EMCN: variants seen among roughly 807,000 people sequenced by gnomAD.
The protein encoded by EMCN is MUC-14.
Under a neutral mutation model 38.4 loss-of-function variants are expected in EMCN, and 37 were observed. The ratio of observed to expected loss-of-function variants is 0.96; its 90% CI spans 0.74 to 1.27. The LOEUF is 1.27. Ranked by LOEUF, EMCN falls within the 50% of genes most tolerant of loss-of-function variation. The pLI is 0.00. For missense variants in EMCN, 318 were observed against 302.8 expected, an observed-to-expected ratio of 1.05 and a Z score of -0.37; for synonymous variants, 95 against 100.8, an observed-to-expected ratio of 0.94 and a Z score of 0.35.
chr4:100,465,944 GA>G (rs750667668), intron 3 of EMCN, among the ~76,000 whole-genome samples: 6 of 152,280 alleles, frequency 3.9e-5, no homozygotes, highest in Non-Finnish European at 7.4e-5. Context: ...CCTGGGAAAA[GA>G]AAGGTAAGGA....
chr4:100,479,668 T>C (rs1728753786), intron 2 of EMCN, among the ~76,000 whole-genome samples: 1 of 152,126 alleles, frequency 6.6e-6, no homozygotes, highest in African/African-American at 2.4e-5. Context: ...ACTTTGTGTA[T>C]GTAACATTCA....
intron 5 of EMCN, among the ~76,000 whole-genome samples, chr4:100,426,584 G>C (rs357651): frequency 0.3 from 44,842 of 151,892 alleles, 8,494 homozygotes; most frequent in Non-Finnish European, 0.43. Flanking sequence ...CTTGAACTCT[G>C]CTTCTCTGAA....
At chr4:100,471,726 A>G (rs1181798777) in intron 3 of EMCN, among the ~76,000 whole-genome samples, 2 of 152,040 alleles carry the variant, frequency 1.3e-5, no homozygotes, top group African/African-American at 4.8e-5. Context: ...AAAAAGAATT[A>G]TACCCCATGA....
intron 1 of EMCN, among the ~76,000 whole-genome samples, chr4:100,494,388 C>G (rs991637038): frequency 1.3e-5 from 2 of 152,124 alleles, no homozygotes; most frequent in African/African-American, 4.8e-5. Flanking sequence ...GCAACAGACA[C>G]AGTTTCAGAA....
At chr4:100,507,141 C>T (rs952708587) in intron 1 of EMCN, among the ~76,000 whole-genome samples, 29 of 151,822 alleles carry the variant, frequency 1.9e-4, no homozygotes, top group African/African-American at 6.5e-4. Context: ...GGATAGAGGC[C>T]CAGGATCATT....
At chr4:100,427,961 G>C (rs547790416) in intron 5 of EMCN, among the ~76,000 whole-genome samples, 43 of 152,062 alleles carry the variant, frequency 2.8e-4, no homozygotes, top group Admixed American at 2.6e-3. Context: ...ATAGTTATTG[G>C]CTTCATCTCC....
chr4:100,447,636 C>T (rs1727714909), intron 4 of EMCN, 65 bp from the exon 5 acceptor site: 4 of 1,039,894 alleles, frequency 3.8e-6, no homozygotes, highest in South Asian at 1.4e-5. Flanking sequence ...TCTATTCTCA[C>T]AATTGTTTCA....
At position 100,423,012 on chromosome 4, in the gene EMCN, G is replaced by C. The variant is rs373667023; in HGVS notation, c.568+9C>G. The C allele has an allele frequency of 1.9e-6, 3 of 1,612,154 alleles. No homozygotes were observed. Among genetic ancestry groups the C allele is most frequent in the African/African-American group, 2.7e-5 (2 of 74,784 alleles). The stretch of plus-strand genomic sequence containing the variant: ...TACTGCCATGAATGAAGGCATTGCT[G>C]TTACTCACTGGAATAAGACCGGCTG... On this transcript the variant is annotated intron_variant, in intron 7 of 11. Transcript: ENST00000296420.
intron 11 of EMCN, among the ~76,000 whole-genome samples, chr4:100,400,074 A>T (rs1578385657): frequency 1.3e-5 from 2 of 152,082 alleles, no homozygotes; most frequent in African/African-American, 2.4e-5. Flanking sequence ...GTGATCTAGT[A>T]CCCTCTACTA....
At chr4:100,446,003 C>G in intron 5 of EMCN, 1 of 913,300 alleles carries the variant, frequency 1.1e-6, no homozygotes, top group African/African-American at 1.8e-5. Flanking sequence ...ATCAATTAAA[C>G]TTATAGCTGG....
intron 5 of EMCN, among the ~76,000 whole-genome samples, chr4:100,425,032 A>C (rs567973481): frequency 4.6e-5 from 7 of 152,186 alleles, no homozygotes; most frequent in Admixed American, 1.3e-4. Flanking sequence ...TGGATAGGCC[A>C]AAATGTTAAG....
chr4:100,471,217 A>G (rs1194648843), intron 3 of EMCN, among the ~76,000 whole-genome samples: 1 of 151,982 alleles, frequency 6.6e-6, no homozygotes, highest in Non-Finnish European at 1.5e-5. Context: ...ATAAAGAAAT[A>G]AGAGAGAGGA....
Position 100,517,864 on chromosome 4 carries a change from G to C in EMCN, c.51C>G (p.Ser17Arg), listed in dbSNP as rs1226626564. 1.2e-6 allele frequency: 2 copies of C among 1,612,642 alleles called. No individual in the cohort carries two copies. The highest frequency in any genetic ancestry group is 1.7e-6 in the Non-Finnish European group (2 of 1,178,918). ...AGACAAAAATACCTGTGCTGTTACT[G>C]CTGCAAATACTGGGCAGAAGAAAAA... ...TILFLLPSIC[S>R]SNSTGVLEAA... The change falls in exon 1 of 12, where the codon AGC (serine) becomes AGG (arginine). Residue 17 changes from serine (S) to arginine (R), a missense_variant. By Grantham distance (110) the Ser-to-Arg change is moderately radical. Coordinates refer to ENST00000296420, the MANE Select transcript of EMCN (RefSeq NM_016242.4).
At chr4:100,444,549 A>G (rs772640626) in intron 5 of EMCN, among the ~76,000 whole-genome samples, 1 of 152,058 alleles carries the variant, frequency 6.6e-6, no homozygotes, top group Non-Finnish European at 1.5e-5. Flanking sequence ...TTGGAGCGCC[A>G]TTTCAGTTCA....
chr4:100,419,903 A>G (rs1726840963), intron 8 of EMCN, among the ~76,000 whole-genome samples: 1 of 152,040 alleles, frequency 6.6e-6, no homozygotes. Context: ...TGTCCATGCA[A>G]TGCATGGTGA....
intron 1 of EMCN, among the ~76,000 whole-genome samples, chr4:100,516,722 A>T (rs1729768632): frequency 6.6e-6 from 1 of 152,114 alleles, no homozygotes; most frequent in Non-Finnish European, 1.5e-5. Context: ...TTTACATAGA[A>T]ATGACTGATA....
intron 5 of EMCN, among the ~76,000 whole-genome samples, chr4:100,430,231 G>T (rs1272287858): frequency 2.0e-5 from 3 of 152,092 alleles, no homozygotes; most frequent in Non-Finnish European, 4.4e-5. Context: ...TGCCTTGAGA[G>T]ATTCATTTGC....
chr4:100,505,183 G>T (rs973749089), intron 1 of EMCN, among the ~76,000 whole-genome samples: 37 of 152,052 alleles, frequency 2.4e-4, no homozygotes, highest in African/African-American at 8.9e-4. Context: ...AAATATCAGT[G>T]CAGCCTGGCA....
intron 5 of EMCN, among the ~76,000 whole-genome samples, chr4:100,434,937 C>G (rs1727308214): frequency 6.6e-6 from 1 of 152,122 alleles, no homozygotes; most frequent in Non-Finnish European, 1.5e-5. Context: ...TGGGCAAAAC[C>G]TGGAAGCATT....
Sources: gnomAD v4.1 joint callset for allele counts (sites outside exome capture counted in the v4.1 genomes callset) on GRCh38, gnomAD v4.1.1 for gene constraint, MANE v1.5 for transcripts, NCBI Gene and HGNC (gene_info 2026-07-23, HGNC 2026-07-21) for gene names.